The following ZNF765 variants were observed in gnomAD, a reference collection of about 807,000 sequenced individuals.
ZNF765 encodes zinc finger protein 765.
A neutral mutation model predicts 44.7 loss-of-function variants in ZNF765; 37 were observed. The ratio of observed to expected loss-of-function variants is 0.83; its 90% confidence interval spans 0.64 to 1.09. ZNF765 has a LOEUF of 1.09. Ranked by LOEUF, ZNF765 falls within the 50% of genes least tolerant of loss-of-function variation. ZNF765 has a pLI of 0.00. For synonymous variants in ZNF765, 201 were observed against 213.7 expected, an observed-to-expected ratio of 0.94 and a Z score of 0.52; for missense variants, 594 against 626.1, an observed-to-expected ratio of 0.95 and a Z score of 0.55.
Position 53,409,720 on chromosome 19 carries a change from G to C in ZNF765, c.*593G>C. 1 of 999,676 alleles carries C rather than the reference G, an allele frequency of 1.0e-6. No individual in the cohort carries two copies. The highest frequency in any genetic ancestry group is 1.6e-6 in the Non-Finnish European group (1 of 631,576). The allele number at this position is 999,676 out of a possible 1,614,324, so 61.9% of individuals were successfully genotyped here. ...CTTACAAATGTAATGAGTGTGGCAA[G>C]ACCTTTAGTCAGAACTCATACCTTA... On this transcript the variant is annotated 3_prime_UTR_variant, in exon 4 of 4. Coordinates refer to ENST00000396408, the MANE Select transcript of ZNF765 (RefSeq NM_001040185.3).
chr19:53,404,104 T>G (rs1366777871), intron 3 of ZNF765, among the ~76,000 whole-genome samples: 1 of 152,182 alleles, frequency 6.6e-6, no homozygotes, highest in East Asian at 1.9e-4. Flanking sequence ...TGAGATGAAG[T>G]TTTGTTCTTG....
intron 2 of ZNF765, among the ~76,000 whole-genome samples, chr19:53,401,145 C>T (rs1388445936): frequency 6.6e-6 from 1 of 152,104 alleles, no homozygotes. Context: ...GGATAACAGG[C>T]ATGTGCCACT....
exon 4 of ZNF765, chr19:53,423,313 G>A (rs201465795): frequency 0.21 from 112,077 of 544,756 alleles, 11,968 homozygotes; most frequent in Middle Eastern, 0.25. Context: ...GATCACGAGG[G>A]CACCAGAGAG....
At chr19:53,403,341 CAT>C (rs1433553486) in intron 3 of ZNF765, among the ~76,000 whole-genome samples, 1 of 151,156 alleles carries the variant, frequency 6.6e-6, no homozygotes, top group Admixed American at 6.6e-5. Flanking sequence ...GATTCTGTTA[CAT>C]ATTATCTGTA....
chr19:53,415,083 C>T (rs979944713), downstream of ZNF765, among the ~76,000 whole-genome samples: 2 of 152,012 alleles, frequency 1.3e-5, no homozygotes, highest in African/African-American at 4.8e-5. Flanking sequence ...ACCAGCCTGA[C>T]CAACATGGTG....
chr19:53,414,240 CA>C (rs754534125), downstream of ZNF765, among the ~76,000 whole-genome samples: 23 of 77,984 alleles, frequency 2.9e-4, 2 homozygotes, highest in South Asian at 1.0e-3. Context: ...GACTCCATCT[CA>C]AAAAAAAAAA....
At chr19:53,424,171 C>G (rs2085924374) in exon 4 of ZNF765, 1 of 151,826 alleles carries the variant, frequency 6.6e-6, no homozygotes, top group Non-Finnish European at 1.5e-5. Context: ...TAAAACTGGC[C>G]AGGCGCGGTG....
intron 3 of ZNF765, among the ~76,000 whole-genome samples, chr19:53,421,624 C>T (rs1011956119): frequency 2.4e-4 from 36 of 152,182 alleles, no homozygotes; most frequent in African/African-American, 8.7e-4. Context: ...AAGCAATTCT[C>T]CTGCCTCAGC....
chr19:53,403,660 A>G (rs936948927), intron 3 of ZNF765, among the ~76,000 whole-genome samples: 2 of 152,286 alleles, frequency 1.3e-5, no homozygotes, highest in East Asian at 3.9e-4. Context: ...CCTGCCTAAC[A>G]TGGCGAAACT....
Position 53,408,923 on chromosome 19 carries a change from T to C in ZNF765, c.1368T>C (p.His456=). Residue 456 remains histidine (H), a synonymous_variant, in exon 4 of 4, where the codon CAT becomes CAC. Transcript: ENST00000396408. ...GTTTCAAATCAAACCTTGAAATACA[T>C]CAGAAAATTCATACTGAAGAGAATC... ...AYSFKSNLEI[H]QKIHTEENPY... The C allele has an allele frequency of 6.2e-7, 1 of 1,613,674 alleles. No homozygotes were observed. Among genetic ancestry groups the C allele is most frequent in the Admixed American group, 1.7e-5 (1 of 59,958 alleles).
intron 1 of ZNF765, among the ~76,000 whole-genome samples, chr19:53,396,344 G>A (rs1410073294): frequency 6.6e-6 from 1 of 152,192 alleles, no homozygotes; most frequent in Non-Finnish European, 1.5e-5. Flanking sequence ...CCGGTATGCG[G>A]GAGACAGAAC....
Position 53,407,690 on chromosome 19 carries a change from C to T in ZNF765, c.143-8C>T, listed in dbSNP as rs760627470. 4 of 1,534,816 alleles carry T rather than the reference C, an allele frequency of 2.6e-6. No homozygotes were observed. ...AATTTGAAACCTTTTGGTGTGTATA[C>T]TTTTTAGATATCTCTTCCAAATGCA... is the stretch of plus-strand genomic sequence containing the variant. On this transcript the variant is annotated splice_region_variant and splice_polypyrimidine_tract_variant and intron_variant, in intron 3 of 3. Transcript: ENST00000396408.
intron 2 of ZNF765, among the ~76,000 whole-genome samples, chr19:53,399,961 C>T (rs557264102): frequency 1.2e-3 from 175 of 152,108 alleles, no homozygotes; most frequent in African/African-American, 3.9e-3. Flanking sequence ...ATTACAGGGG[C>T]CTGCTACCAT....
In ZNF765 at chr19:53,411,072, T is replaced by C. The variant is rs1394156058; in HGVS notation, c.*1945T>C. On this transcript the variant is annotated 3_prime_UTR_variant, in exon 4 of 4. Transcript: ENST00000396408. The stretch of plus-strand genomic sequence containing the variant: ...ACACTAGAGTCAGTTCAGCATTGAC[T>C]TGAGTTTGACTTAACATTGAGTTGA... 7.3e-6 allele frequency: 2 copies of C among 273,034 alleles called. No individual in the cohort carries two copies. The highest frequency in any genetic ancestry group is 4.5e-5 in the Admixed American group (1 of 22,052). 16.9% of individuals were successfully genotyped at this position (273,034 alleles called of 1,614,324 possible).
At chr19:53,412,270 T>C (rs1195020417), downstream of ZNF765, among the ~76,000 whole-genome samples, 1 of 152,246 alleles carries the variant, frequency 6.6e-6, no homozygotes, top group Non-Finnish European at 1.5e-5. Flanking sequence ...TTTTTCTCCC[T>C]CTATTAAGAT....
rs1568778999 is a variant in ZNF765, at chr19:53,405,935, ATATATATATATATAT to A, written c.143-1762_143-1748del. On this transcript the variant is annotated intron_variant, in intron 3 of 3. Transcript: ENST00000396408. ...TATATATATATATATATATATATAT[ATATATATATATATAT>A]AAAATTGCTGTATTGCCTGGCTGTT... Among the ~76,000 whole-genome samples the A allele has an allele frequency of 5.8e-4, 53 of 90,812 alleles. 1 individual carries two copies. The highest frequency in any genetic ancestry group is 1.2e-3 in the Admixed American group (11 of 8,956). The allele number at this position is 90,812 out of a possible 152,430, so 59.6% of individuals were successfully genotyped here. A position where few individuals can be genotyped will look rare whatever the true frequency, so the allele number is the denominator to read the frequency against.
At chr19:53,427,177 T>C (rs1035404386) in exon 4 of ZNF765, 2 of 136,064 alleles carry the variant, frequency 1.5e-5, no homozygotes, top group African/African-American at 6.1e-5. Context: ...GCAGTGCAGA[T>C]AGCTCTTGGA....
At chr19:53,404,627 G>A (rs1185312963) in intron 3 of ZNF765, among the ~76,000 whole-genome samples, 1 of 151,938 alleles carries the variant, frequency 6.6e-6, no homozygotes, top group Non-Finnish European at 1.5e-5. Context: ...TAATGTGTGT[G>A]TGTGTGTGTG....
chr19:53,418,853 C>T (rs1001646300), intron 3 of ZNF765, among the ~76,000 whole-genome samples: 9 of 145,238 alleles, frequency 6.2e-5, no homozygotes, highest in African/African-American at 2.3e-4. Context: ...TGCTGTGAGC[C>T]GAGATCACTC....
Sources: allele counts gnomAD v4.1 joint callset (sites outside exome capture counted in the v4.1 genomes callset), GRCh38; gene constraint gnomAD v4.1.1; transcripts MANE v1.5; gene names NCBI Gene and HGNC (gene_info 2026-07-23, HGNC 2026-07-21).